Variants in RPS6KC1 observed in about 807,000 individuals in gnomAD.
RPS6KC1 encodes ribosomal protein S6 kinase C1.
Under a neutral mutation model 103.8 loss-of-function variants are expected in RPS6KC1, and 54 were observed. That is an observed-to-expected ratio of 0.52 (90% CI 0.42 to 0.65). The LOEUF is 0.65. Among genes scored for constraint, RPS6KC1 ranks in the 30% least tolerant of loss-of-function variants. The pLI, the probability that RPS6KC1 is intolerant of heterozygous loss-of-function variation, is 0.00. For missense variants in RPS6KC1, 1,151 were observed against 1,253.8 expected, an observed-to-expected ratio of 0.92 and a Z score of 1.24; for synonymous variants, 439 against 438.7, an observed-to-expected ratio of 1.00 and a Z score of -0.01.
At chr1:213,855,126 A>G in the RPS6KC1 span, among the ~76,000 whole-genome samples, 1 of 152,212 alleles carries the variant, frequency 6.6e-6, no homozygotes, top group Non-Finnish European at 1.5e-5. Flanking sequence ...AACCTTAATT[A>G]TATTCCTACC....
the RPS6KC1 span, among the ~76,000 whole-genome samples, chr1:213,649,372 C>T: frequency 6.6e-6 from 1 of 152,016 alleles, no homozygotes; most frequent in African/African-American, 2.4e-5. Context: ...TTCTGCTTCT[C>T]AACAGCCTCT....
the RPS6KC1 span, among the ~76,000 whole-genome samples, chr1:213,469,884 G>C: frequency 6.6e-6 from 1 of 152,128 alleles, no homozygotes; most frequent in Non-Finnish European, 1.5e-5. Context: ...GACGAGTGTG[G>C]TGACACATGC....
intron 3 of RPS6KC1, among the ~76,000 whole-genome samples, chr1:213,082,745 CA>C (rs2080018023): frequency 6.6e-6 from 1 of 152,096 alleles, no homozygotes; most frequent in Non-Finnish European, 1.5e-5. Context: ...GATTGTTAAA[CA>C]AAAAGGTCCT....
chr1:213,258,699 C>T (rs1047706715), intron 12 of RPS6KC1, among the ~76,000 whole-genome samples: 9 of 152,144 alleles, frequency 5.9e-5, no homozygotes, highest in African/African-American at 1.7e-4. Context: ...TGTCATTCAT[C>T]GCTTGTTTTA....
At chr1:213,475,819 T>G in the RPS6KC1 span, among the ~76,000 whole-genome samples, 1 of 152,192 alleles carries the variant, frequency 6.6e-6, no homozygotes, top group Non-Finnish European at 1.5e-5. Flanking sequence ...GGAAAAGAGA[T>G]GGTGGGGCCT....
the RPS6KC1 span, among the ~76,000 whole-genome samples, chr1:213,364,986 T>C: frequency 6.6e-6 from 1 of 151,982 alleles, no homozygotes; most frequent in African/African-American, 2.4e-5. Context: ...AATAAAAATC[T>C]CAGGGTTGAA....
chr1:213,854,443 A>T, the RPS6KC1 span, among the ~76,000 whole-genome samples: 1 of 152,098 alleles, frequency 6.6e-6, no homozygotes, highest in East Asian at 1.9e-4. Flanking sequence ...CATGCATTTT[A>T]TTTGTAAAGG....
Position 213,261,727 on chromosome 1 carries a change from T to A in RPS6KC1, c.2994+87T>A. The A allele has an allele frequency of 6.1e-6, 7 of 1,143,434 alleles. No homozygotes were observed. In the African/African-American group the frequency reaches 6.2e-5, roughly 10 times the overall value. 70.8% of individuals were successfully genotyped at this position (1,143,434 alleles called of 1,614,324 possible). On this transcript the variant is annotated intron_variant, in intron 13 of 14. Coordinates refer to ENST00000366960, the MANE Select transcript of RPS6KC1 (RefSeq NM_012424.6). ...AACATTAGCCTTCACCCTTAGTTTTTAAATCAGGGACTAAGCAAGAAAAAC... is the reference window on the plus strand; with the variant it reads ...AACATTAGCCTTCACCCTTAGTTTTAAAATCAGGGACTAAGCAAGAAAAAC...
intron 6 of RPS6KC1, 52 bp downstream of exon 6, chr1:213,129,941 GA>G (rs768458865): frequency 1.9e-5 from 29 of 1,492,956 alleles, no homozygotes; most frequent in South Asian, 5.4e-5. Context: ...TGGTATGTGG[GA>G]AAAAAAAGTA....
the RPS6KC1 span, among the ~76,000 whole-genome samples, chr1:213,776,492 T>C: frequency 6.6e-6 from 1 of 152,212 alleles, no homozygotes; most frequent in African/African-American, 2.4e-5. Context: ...TCTTTTATTC[T>C]GATCAGTAAG....
chr1:213,609,167 G>C, the RPS6KC1 span, among the ~76,000 whole-genome samples: 1 of 152,238 alleles, frequency 6.6e-6, no homozygotes, highest in Non-Finnish European at 1.5e-5. Flanking sequence ...ATAAGTAAAA[G>C]TCCATATACC....
intron 7 of RPS6KC1, among the ~76,000 whole-genome samples, chr1:213,168,545 C>T (rs919299235): frequency 3.5e-5 from 5 of 141,228 alleles, no homozygotes; most frequent in African/African-American, 1.3e-4. Flanking sequence ...GGAAACTTTT[C>T]TGTTATTTTT....
the RPS6KC1 span, among the ~76,000 whole-genome samples, chr1:213,381,037 A>G: frequency 6.6e-6 from 1 of 152,190 alleles, no homozygotes; most frequent in African/African-American, 2.4e-5. Context: ...GAGCTTGGGA[A>G]GTGCTTCTGC....
chr1:213,630,294 C>T, the RPS6KC1 span, among the ~76,000 whole-genome samples: 1 of 152,104 alleles, frequency 6.6e-6, no homozygotes, highest in African/African-American at 2.4e-5. Flanking sequence ...ATTCTTTTTT[C>T]TCTAAACTTC....
the RPS6KC1 span, among the ~76,000 whole-genome samples, chr1:213,380,764 G>C: frequency 1.3e-5 from 2 of 152,202 alleles, no homozygotes; most frequent in South Asian, 4.1e-4. Context: ...GCTGAGACCA[G>C]AGCAGTGATG....
intron 3 of RPS6KC1, among the ~76,000 whole-genome samples, chr1:213,093,231 G>A (rs1203123607): frequency 1.3e-5 from 2 of 149,902 alleles, no homozygotes; most frequent in Non-Finnish European, 3.0e-5. Flanking sequence ...TTTTTAATGA[G>A]GCGGAGTCTC....
At chr1:213,646,272 T>C in the RPS6KC1 span, among the ~76,000 whole-genome samples, 1 of 152,162 alleles carries the variant, frequency 6.6e-6, no homozygotes, top group Non-Finnish European at 1.5e-5. Flanking sequence ...TATTATCTAA[T>C]TATCAAAGTG....
chr1:213,366,828 G>T, the RPS6KC1 span, among the ~76,000 whole-genome samples: 1 of 152,106 alleles, frequency 6.6e-6, no homozygotes, highest in African/African-American at 2.4e-5. Flanking sequence ...TACGGTTTTG[G>T]TTATCAGAAA....
the RPS6KC1 span, among the ~76,000 whole-genome samples, chr1:213,690,577 C>T: frequency 6.6e-6 from 1 of 152,148 alleles, no homozygotes; most frequent in Non-Finnish European, 1.5e-5. Flanking sequence ...GGCTGATTAC[C>T]TCATTCTCCT....
Sources: allele counts gnomAD v4.1 joint callset (sites outside exome capture counted in the v4.1 genomes callset), GRCh38; gene constraint gnomAD v4.1.1; transcripts MANE v1.5; gene names NCBI Gene and HGNC (gene_info 2026-07-23, HGNC 2026-07-21).